SCIN: variants seen among roughly 807,000 people sequenced by gnomAD.
The protein encoded by SCIN is adseverin.
SCIN carries 91 observed loss-of-function variants against 91.8 expected under a neutral mutation model. That is an observed-to-expected ratio of 0.99 (90% CI 0.84 to 1.18). SCIN has a LOEUF of 1.18. SCIN is among the 50% of genes most tolerant of loss of function. The probability of loss-of-function intolerance (pLI) is 0.00; values close to 1 mark genes in which losing one functional copy is unlikely to be tolerated. For synonymous variants in SCIN, 367 were observed against 312.6 expected (o/e 1.17, Z -1.84); for missense variants, 1,087 against 863.9 (o/e 1.26, Z -3.24).
rs905450433 is a variant in SCIN at position 12,594,599 on chromosome 7, C to T, written c.517-9915C>T. ...AAGCCTCTTAGAACGGATCCCTGAACGGAGGCCGAGAGCCTTGCGATTGCG... is the reference window on the plus strand; with the variant it reads ...AAGCCTCTTAGAACGGATCCCTGAATGGAGGCCGAGAGCCTTGCGATTGCG... On this transcript the variant is annotated intron_variant, in intron 3 of 15. Transcript: ENST00000297029. Among the ~76,000 whole-genome samples the T allele has an allele frequency of 3.3e-5, 5 of 152,034 alleles. No individual in the cohort carries two copies. In the South Asian group the frequency reaches 6.2e-4, roughly 19 times the overall value.
intron 3 of SCIN, among the ~76,000 whole-genome samples, chr7:12,600,775 T>C (rs1220486485): frequency 2.0e-5 from 3 of 152,190 alleles, no homozygotes; most frequent in Non-Finnish European, 2.9e-5. Context: ...TAAACACAGC[T>C]GCCCAGAACA....
chr7:12,587,894 C>T (rs1002692618), intron 3 of SCIN, among the ~76,000 whole-genome samples: 1 of 152,190 alleles, frequency 6.6e-6, no homozygotes, highest in African/African-American at 2.4e-5. Context: ...GCAAGATACA[C>T]TCCAGCCCCT....
intron 4 of SCIN, among the ~76,000 whole-genome samples, chr7:12,609,276 GA>G (rs1186473757): frequency 1.3e-5 from 2 of 152,028 alleles, no homozygotes; most frequent in Non-Finnish European, 2.9e-5. Context: ...CCTATATGTG[GA>G]AAAAACTAAA....
intron 11 of SCIN, among the ~76,000 whole-genome samples, chr7:12,641,753 G>T (rs947664398): frequency 1.3e-5 from 2 of 151,828 alleles, no homozygotes; most frequent in African/African-American, 4.8e-5. Context: ...AATTCTCCAG[G>T]CCTATAGCTG....
chr7:12,581,304 A>G, intron 3 of SCIN, 83 bp downstream of exon 3: 2 of 1,391,700 alleles, frequency 1.4e-6, no homozygotes, highest in Non-Finnish European at 1.9e-6. Flanking sequence ...CATTGAAAAG[A>G]ATCACTTTTT....
In SCIN at chr7:12,604,619, C is replaced by A. The variant is rs1238789419; in HGVS notation, c.622C>A (p.Leu208Ile). Residue 208 changes from leucine (L) to isoleucine (I), a missense_variant, in exon 4 of 16, where the codon CTA becomes ATA. By Grantham distance (5) the Leu-to-Ile change is conservative. Transcript: ENST00000297029. Reference protein sequence around the residue: ...RYNERKGRSELIVVEEGSEPS... With the variant: ...RYNERKGRSEIIVVEEGSEPS... ...CAATGAAAGGAAAGGAAGGTCTGAA[C>A]TAATTGTCGTGGAAGAAGGAAGTGA... 6.4e-7 allele frequency: 1 copy of A among 1,552,016 alleles called. No individual in the cohort carries two copies. Among genetic ancestry groups the A allele is most frequent in the Non-Finnish European group, 8.7e-7 (1 of 1,147,102 alleles).
rs62448337 is a variant in SCIN, at chr7:12,651,507, C to A, written c.1960-334C>A. On this transcript the variant is annotated intron_variant, in intron 14 of 15. Coordinates refer to ENST00000297029, the MANE Select transcript of SCIN (RefSeq NM_001112706.3). This position sits in a 1 kb window ranked among gnomAD's most constrained non-coding sequence, Gnocchi z 5.9. ...TGGTTTCCTTCGACTGCTGTCACAC[C>A]CTAGGGGGTGGATGAAAAAAAAAAG... Among the ~76,000 whole-genome samples the A allele has an allele frequency of 2.0e-5, 3 of 151,376 alleles. No individual in the cohort carries two copies. The highest frequency in any genetic ancestry group is 6.6e-5 in the Admixed American group (1 of 15,250).
In SCIN at chr7:12,655,666, C is replaced by T. The variant is rs1240202457; in HGVS notation, c.*2951C>T. 1 of 152,084 alleles carries T rather than the reference C, an allele frequency of 6.6e-6. No individual in the cohort carries two copies. The highest frequency in any genetic ancestry group is 2.4e-5 in the African/African-American group (1 of 41,392). 9.4% of individuals were successfully genotyped at this position (152,084 alleles called of 1,614,324 possible). A position where few individuals can be genotyped will look rare whatever the true frequency, so the allele number is the denominator to read the frequency against. On this transcript the variant is annotated 3_prime_UTR_variant, in exon 16 of 16. Coordinates refer to ENST00000297029, the MANE Select transcript of SCIN (RefSeq NM_001112706.3). ...ACTGTTAATAGATGTATAAACTGGTCAAAACTTTTTGATCCATAGCACAGT... is the reference window on the plus strand; with the variant it reads ...ACTGTTAATAGATGTATAAACTGGTTAAAACTTTTTGATCCATAGCACAGT...
chr7:12,623,397 A>G (rs890091678), intron 5 of SCIN, among the ~76,000 whole-genome samples: 11 of 152,322 alleles, frequency 7.2e-5, no homozygotes, highest in Admixed American at 5.9e-4. Context: ...ACCTACTTCC[A>G]TATCAGCTCT....
chr7:12,659,678 A>T lies in SCIN; in HGVS notation c.*6963A>T, dbSNP rs1245028487. ...ACTGTCCCTAGTCTGAGCCATATTTAGTGTCTTGAAAGAGCCACAGTGGCT... is the reference window on the plus strand; with the variant it reads ...ACTGTCCCTAGTCTGAGCCATATTTTGTGTCTTGAAAGAGCCACAGTGGCT... On this transcript the variant is annotated 3_prime_UTR_variant, in exon 16 of 16. Transcript: ENST00000297029. The T allele has an allele frequency of 6.5e-6, 1 of 152,958 alleles. No individual in the cohort carries two copies. The highest frequency in any genetic ancestry group is 2.4e-5 in the African/African-American group (1 of 41,468). 9.5% of individuals were successfully genotyped at this position (152,958 alleles called of 1,614,324 possible).
In SCIN at chr7:12,657,886, G is replaced by T. The variant is rs1396017949; in HGVS notation, c.*5171G>T. The stretch of plus-strand genomic sequence containing the variant: ...TACTTTTCTTCTATTATAGGAATAA[G>T]AATTCAGTAGTCATATTTCCTGTTG... On this transcript the variant is annotated 3_prime_UTR_variant, in exon 16 of 16. Coordinates refer to ENST00000297029, the MANE Select transcript of SCIN (RefSeq NM_001112706.3). 6.6e-6 allele frequency: 1 copy of T among 151,906 alleles called. No homozygotes were observed. The highest frequency in any genetic ancestry group is 2.4e-5 in the African/African-American group (1 of 41,398). The allele number at this position is 151,906 out of a possible 1,614,324, so 9.4% of individuals were successfully genotyped here.
chr7:12,631,392 T>C (rs1447722054), intron 9 of SCIN, among the ~76,000 whole-genome samples: 1 of 152,152 alleles, frequency 6.6e-6, no homozygotes, highest in Non-Finnish European at 1.5e-5. Flanking sequence ...CTTTGGATAA[T>C]TATATACAGA....
intron 1 of SCIN, chr7:12,571,615 C>T (rs1325766841): frequency 1.7e-5 from 8 of 466,062 alleles, no homozygotes; most frequent in Non-Finnish European, 3.1e-5. Context: ...AGCTGGCGTC[C>T]TCAGATAGAA....
In SCIN at chr7:12,651,851, G is replaced by A; in HGVS notation, c.1970G>A (p.Trp657Ter). ...TGTTTCATTTTTCAGATATTTATTT[G>A]GATTGGCAAAGATGCTAATGAAGTT... ...LLDAWEQIFIWIGKDANEVEK... is the reference protein window; with the variant it reads ...LLDAWEQIFI Residue 657 changes from tryptophan to a stop codon, truncating the protein, a stop_gained, in exon 15 of 16, where the codon TGG becomes TAG. Coordinates refer to ENST00000297029, the MANE Select transcript of SCIN (RefSeq NM_001112706.3). LOFTEE classifies it high-confidence loss of function. This position sits in a 1 kb window ranked among gnomAD's most constrained non-coding sequence, Gnocchi z 5.9. 3 of 1,589,298 alleles carry A rather than the reference G, an allele frequency of 1.9e-6. No individual in the cohort carries two copies. Among genetic ancestry groups the A allele is most frequent in the Non-Finnish European group, 2.6e-6 (3 of 1,162,872 alleles).
chr7:12,570,832 C>T lies in SCIN; in HGVS notation c.46C>T (p.Gln16Ter), dbSNP rs1228237276. The change falls in exon 1 of 16, where the codon CAG (glutamine) becomes TAG (stop). Residue 16 changes from glutamine to a stop codon, truncating the protein, a stop_gained. Coordinates refer to ENST00000297029, the MANE Select transcript of SCIN (RefSeq NM_001112706.3). LOFTEE classifies it high-confidence loss of function. ...CGAAGAGTTCGCCCGGGCGGGCAAG[C>T]AGGCGGGGCTGCAGGTCTGGAGGAT... ...YHEEFARAGK[Q>*]AGLQVWRIEK... 3.9e-6 allele frequency: 6 copies of T among 1,551,588 alleles called. No individual in the cohort carries two copies. Among genetic ancestry groups the T allele is most frequent in the South Asian group, 2.4e-5 (2 of 84,054 alleles).
At chr7:12,609,647 A>C (rs1783151790) in intron 4 of SCIN, among the ~76,000 whole-genome samples, 1 of 152,330 alleles carries the variant, frequency 6.6e-6, no homozygotes, top group East Asian at 1.9e-4. Flanking sequence ...TTGAAACAAC[A>C]ACAATTTTTT....
intron 9 of SCIN, among the ~76,000 whole-genome samples, chr7:12,632,990 T>G (rs1217522092): frequency 6.6e-6 from 1 of 152,190 alleles, no homozygotes; most frequent in East Asian, 1.9e-4. Context: ...TATGTAAGTT[T>G]GTTAGTGTTG....
chr7:12,596,677 G>A (rs1490138834), intron 3 of SCIN, among the ~76,000 whole-genome samples: 2 of 111,140 alleles, frequency 1.8e-5, no homozygotes, highest in African/African-American at 3.3e-5. Context: ...GTTAAAGTAT[G>A]ACTGTAAGCT....
intron 9 of SCIN, among the ~76,000 whole-genome samples, chr7:12,634,588 T>C (rs573537360): frequency 6.6e-6 from 1 of 152,308 alleles, no homozygotes; most frequent in African/African-American, 2.4e-5. Flanking sequence ...AAAGTCTAAA[T>C]CCAAGTTTAG....
Sources: allele counts gnomAD v4.1 joint callset (sites outside exome capture counted in the v4.1 genomes callset), GRCh38; gene constraint gnomAD v4.1.1; non-coding constraint Gnocchi (gnomAD v3.1); transcripts MANE v1.5; gene names NCBI Gene and HGNC (gene_info 2026-07-23, HGNC 2026-07-21).